Variants in KCNJ15 observed in about 807,000 individuals in gnomAD.
KCNJ15 encodes the protein potassium inwardly rectifying channel subfamily J member 15.
In KCNJ15, 14 loss-of-function variants were observed where a neutral mutation model predicts 23.0. That is an observed-to-expected ratio of 0.61 (90% CI 0.40 to 0.95). The LOEUF (loss-of-function observed/expected upper bound fraction) is 0.95. Among genes scored for constraint, KCNJ15 ranks in the 40% least tolerant of loss-of-function variants. The pLI is 0.00. For synonymous variants in KCNJ15, 185 were observed against 183.2 expected (o/e 1.01, Z -0.08); for missense variants, 388 against 461.8 (o/e 0.84, Z 1.46).
At chr21:38,286,201 C>G (rs1303714665) in intron 1 of KCNJ15, among the ~76,000 whole-genome samples, 3 of 152,168 alleles carry the variant, frequency 2.0e-5, no homozygotes, top group Non-Finnish European at 4.4e-5. Context: ...TGAGATCATG[C>G]CACTGCACTC....
At chr21:38,293,463 G>T (rs1320866381) in intron 1 of KCNJ15, among the ~76,000 whole-genome samples, 1 of 152,200 alleles carries the variant, frequency 6.6e-6, no homozygotes. Context: ...GAAGGACCCA[G>T]CCGAGAGGCA....
chr21:38,231,936 T>C (rs984089203), intron 1 of KCNJ15, among the ~76,000 whole-genome samples: 2 of 151,890 alleles, frequency 1.3e-5, no homozygotes, highest in Non-Finnish European at 2.9e-5. Flanking sequence ...TCTTGTGATA[T>C]CTTTTGTTTT....
intron 1 of KCNJ15, among the ~76,000 whole-genome samples, chr21:38,251,414 A>C (rs905192038): frequency 3.9e-5 from 6 of 152,340 alleles, no homozygotes; most frequent in South Asian, 2.1e-4. Context: ...GTTGTTTCAC[A>C]GTTTCTCAAT....
upstream of KCNJ15, among the ~76,000 whole-genome samples, chr21:38,255,038 A>T (rs1164500574): frequency 2.6e-5 from 4 of 152,332 alleles, no homozygotes; most frequent in Admixed American, 2.0e-4. Context: ...TTTGGTGAAT[A>T]AGACAGGTAC....
intron 1 of KCNJ15, among the ~76,000 whole-genome samples, chr21:38,241,074 GATA>G (rs1244247475): frequency 1.6e-4 from 24 of 152,280 alleles, no homozygotes; most frequent in African/African-American, 4.1e-4. Flanking sequence ...GAATGCCCAG[GATA>G]GAGAACATCA....
At chr21:38,293,026 A>G (rs1358247831) in intron 1 of KCNJ15, among the ~76,000 whole-genome samples, 1 of 151,856 alleles carries the variant, frequency 6.6e-6, no homozygotes, top group Admixed American at 6.6e-5. Flanking sequence ...TAAATGCAGT[A>G]CCTTTTAGGT....
chr21:38,261,334 G>A (rs1329107613), intron 1 of KCNJ15, among the ~76,000 whole-genome samples: 3 of 152,138 alleles, frequency 2.0e-5, no homozygotes, highest in Non-Finnish European at 4.4e-5. Context: ...ACAAGGATTT[G>A]GATAGGACCT....
rs1249198662 is a variant in KCNJ15, at chr21:38,238,187, AAGCTCTACCTTCTGCCCC to A, written c.-398-18855_-398-18838del. The A allele has an allele frequency of 2.5e-5, 11 of 441,122 alleles. No homozygotes were observed. The Admixed American group carries it at 3.5e-4, about 14-fold the overall frequency. The allele number at this position is 441,122 out of a possible 1,614,324, so 27.3% of individuals were successfully genotyped here. ...GGACCTGAGTCTTTAGTCAGTTGGGAAGCTCTACCTTCTGCCCCAGCCCAAGAGGGTTGGGGCAGTCAC... is the reference window on the plus strand; with the variant it reads ...GGACCTGAGTCTTTAGTCAGTTGGGAAGCCCAAGAGGGTTGGGGCAGTCAC... On this transcript the variant is annotated intron_variant, in intron 1 of 4. Coordinates refer to the KCNJ15 transcript ENST00000547341.
At chr21:38,278,905 C>T (rs2836273) in intron 1 of KCNJ15, among the ~76,000 whole-genome samples, 100,567 of 151,874 alleles carry the variant, frequency 0.66, 33,910 homozygotes, top group Non-Finnish European at 0.73. Context: ...CTAAGCTGGG[C>T]GGCAGAGTGC....
At chr21:38,262,410 T>C (rs1321786480) in intron 1 of KCNJ15, among the ~76,000 whole-genome samples, 2 of 152,184 alleles carry the variant, frequency 1.3e-5, no homozygotes, top group Admixed American at 1.3e-4. Flanking sequence ...CTGTATTACA[T>C]ACAGACACAA....
chr21:38,299,675 A>G lies in KCNJ15; in HGVS notation c.414A>G (p.Glu138=). The G allele has an allele frequency of 6.2e-7, 1 of 1,614,160 alleles. No homozygotes were observed. The highest frequency in any genetic ancestry group is 1.1e-5 in the South Asian group (1 of 91,074). ...IGYGVRSITE[E]CPHAIFLLVA... ...ATGGAGTCCGTTCCATCACAGAGGA[A>G]TGTCCTCATGCCATCTTCCTGTTGG... The change falls in exon 3 of 3, where the codon GAA becomes GAG. Residue 138 remains glutamate, a synonymous_variant. Transcript: ENST00000398938. This position sits in a 1 kb window ranked among gnomAD's most constrained non-coding sequence, Gnocchi z 4.5.
At chr21:38,259,638 G>C (rs1284958701) in intron 1 of KCNJ15, among the ~76,000 whole-genome samples, 4 of 152,206 alleles carry the variant, frequency 2.6e-5, no homozygotes, top group Non-Finnish European at 4.4e-5. Flanking sequence ...CAAGAGGCAA[G>C]TCAGACAGAG....
At chr21:38,238,395 C>A in intron 1 of KCNJ15, 1 of 711,590 alleles carries the variant, frequency 1.4e-6, no homozygotes. Flanking sequence ...CCAGAATCAG[C>A]ACCATGTTAG....
Position 38,257,095 on chromosome 21 carries a change from T to C in KCNJ15, c.-207T>C, listed in dbSNP as rs1286481373. The C allele has an allele frequency of 6.6e-6, 1 of 152,306 alleles. No individual in the cohort carries two copies. The highest frequency in any genetic ancestry group is 1.9e-4 in the East Asian group (1 of 5,182). The allele number at this position is 152,306 out of a possible 1,614,324, so 9.4% of individuals were successfully genotyped here. A position where few individuals can be genotyped will look rare whatever the true frequency, so the allele number is the denominator to read the frequency against. Reference sequence around the variant, plus strand: ...TTTTGAGGAACCCTAAACACCTATCTTTCCCAAGGCAACCTGTCTGGACTG... The same window carrying C: ...TTTTGAGGAACCCTAAACACCTATCCTTCCCAAGGCAACCTGTCTGGACTG... On this transcript the variant is annotated 5_prime_UTR_variant, in exon 1 of 3. Transcript: ENST00000398938.
chr21:38,249,961 G>T (rs1259908843), intron 1 of KCNJ15, among the ~76,000 whole-genome samples: 2 of 152,152 alleles, frequency 1.3e-5, no homozygotes, highest in Non-Finnish European at 2.9e-5. Context: ...CATTGCTAGG[G>T]CTGATAAGGA....
intron 1 of KCNJ15, among the ~76,000 whole-genome samples, chr21:38,282,357 A>G (rs1171687417): frequency 6.6e-6 from 1 of 152,156 alleles, no homozygotes; most frequent in East Asian, 1.9e-4. Flanking sequence ...ACTGGGGAAC[A>G]TGAAATACAC....
At chr21:38,236,416 G>T (rs546653521) in intron 1 of KCNJ15, among the ~76,000 whole-genome samples, 6 of 152,250 alleles carry the variant, frequency 3.9e-5, no homozygotes, top group East Asian at 1.9e-4. Context: ...AGGGGGTAGG[G>T]GAGGAAGCCT....
chr21:38,293,966 G>T (rs139186102), intron 1 of KCNJ15, among the ~76,000 whole-genome samples: 1 of 152,212 alleles, frequency 6.6e-6, no homozygotes, highest in Non-Finnish European at 1.5e-5. Context: ...GCTGCGTAGT[G>T]TAGGGAGGAA....
chr21:38,248,011 T>C (rs1404067857), intron 1 of KCNJ15, among the ~76,000 whole-genome samples: 4 of 152,236 alleles, frequency 2.6e-5, no homozygotes, highest in Non-Finnish European at 5.9e-5. Context: ...AAACTTGGGC[T>C]ATGTTCACTC....
Sources: allele counts gnomAD v4.1 joint callset (sites outside exome capture counted in the v4.1 genomes callset), GRCh38; gene constraint gnomAD v4.1.1; non-coding constraint Gnocchi (gnomAD v3.1); transcripts MANE v1.5; gene names NCBI Gene and HGNC (gene_info 2026-07-23, HGNC 2026-07-21).